The following NCBP3 variants were observed in gnomAD, a reference collection of about 807,000 sequenced individuals.
NCBP3 encodes the protein nuclear cap-binding protein subunit 3.
A neutral mutation model predicts 75.7 loss-of-function variants in NCBP3; 20 were observed. The observed-to-expected ratio is 0.26, with a 90% confidence interval of 0.19 to 0.38. NCBP3 has a LOEUF of 0.38. Ranked by LOEUF, NCBP3 falls within the 10% of genes least tolerant of loss-of-function variation. The pLI is 1.00. For missense variants in NCBP3, 678 were observed against 796.9 expected (o/e 0.85, Z 1.80); for synonymous variants, 293 against 290.5 (o/e 1.01, Z -0.09).
At chr17:3,843,257 T>G (rs1364786973) in intron 1 of NCBP3, 106 bp from the exon 2 acceptor site, 8 of 897,154 alleles carry the variant, frequency 8.9e-6, no homozygotes, top group Admixed American at 2.5e-5. Flanking sequence ...TTTTTTTTTT[T>G]TTGTTGGTGA....
At chr17:3,830,874 C>T (rs1388550060) in intron 3 of NCBP3, among the ~76,000 whole-genome samples, 6 of 151,592 alleles carry the variant, frequency 4.0e-5, no homozygotes, top group Non-Finnish European at 8.8e-5. Flanking sequence ...TGAGCCACGG[C>T]GCCCAGCCAA....
At chr17:3,824,501 A>G (rs1441788511) in intron 7 of NCBP3, 1 of 159,024 alleles carries the variant, frequency 6.3e-6, no homozygotes, top group Admixed American at 6.3e-5. Flanking sequence ...ACACATACAT[A>G]CACATACATA....
rs1284391612 is a variant in NCBP3, at chr17:3,806,690, T to G, written c.*6354A>C. 3 of 149,648 alleles carry G rather than the reference T, an allele frequency of 2.0e-5. No homozygotes were observed. The highest frequency in any genetic ancestry group is 2.9e-5 in the Non-Finnish European group (2 of 67,806). 9.3% of individuals were successfully genotyped at this position (149,648 alleles called of 1,614,324 possible). A position where few individuals can be genotyped will look rare whatever the true frequency, so the allele number is the denominator to read the frequency against. ...TCCCTAACTACTCCCAGGAACAAAG[T>G]TCTGTGAAATGTTCATAGAGCTTCA... On this transcript the variant is annotated 3_prime_UTR_variant, in exon 13 of 13. Coordinates refer to ENST00000389005, the MANE Select transcript of NCBP3 (RefSeq NM_001114118.3).
In NCBP3 at chr17:3,808,355, T is replaced by TC. The variant is rs1369805656; in HGVS notation, c.*4688dup. ...TTTCTAAGAGGAATTTTAATTACACTCCATTTTTATCTTAGGCACTGACCT... is the reference window on the plus strand; with the variant it reads ...TTTCTAAGAGGAATTTTAATTACACTCCCATTTTTATCTTAGGCACTGACCT... On this transcript the variant is annotated 3_prime_UTR_variant, in exon 13 of 13. Transcript: ENST00000389005. The TC allele has an allele frequency of 6.6e-6, 1 of 152,214 alleles. No homozygotes were observed. Among genetic ancestry groups the TC allele is most frequent in the African/African-American group, 2.4e-5 (1 of 41,446 alleles). The allele number at this position is 152,214 out of a possible 1,614,324, so 9.4% of individuals were successfully genotyped here. A position where few individuals can be genotyped will look rare whatever the true frequency, so the allele number is the denominator to read the frequency against.
chr17:3,845,416 G>A (rs1402826057), intron 1 of NCBP3, among the ~76,000 whole-genome samples: 1 of 152,122 alleles, frequency 6.6e-6, no homozygotes, highest in East Asian at 1.9e-4. Flanking sequence ...CGGTAAAGGA[G>A]GGACCAAGGA....
At position 3,829,358 on chromosome 17, in the gene NCBP3, C is replaced by T; in HGVS notation, c.366G>A (p.Lys122=). The T allele has an allele frequency of 4.5e-6, 7 of 1,551,860 alleles. No homozygotes were observed. Among genetic ancestry groups the T allele is most frequent in the Non-Finnish European group, 6.1e-6 (7 of 1,146,952 alleles). The change falls in exon 4 of 13, where the codon AAG becomes AAA. Residue 122 remains lysine, a synonymous_variant. Transcript: ENST00000389005. ...DRDMMKKAIP[K]VRLETIYICG... is the part of the protein sequence containing the mutation. ...AAATATAGATTGTCTCCAGTCTCAC[C>T]TTGGGGATTGCTAGAAAGACAAGAC... is the stretch of plus-strand genomic sequence containing the variant.
At position 3,823,005 on chromosome 17, in the gene NCBP3, A is replaced by C. The variant is rs941025598; in HGVS notation, c.797-953T>G. Reference sequence around the variant, plus strand: ...GGGCTCTACTGGCCAAATCCAAGACAATTTGTAAATTAAAATACTGATATT... The same window carrying C: ...GGGCTCTACTGGCCAAATCCAAGACCATTTGTAAATTAAAATACTGATATT... On this transcript the variant is annotated intron_variant, in intron 7 of 12. Transcript: ENST00000389005. 8 of 152,308 alleles carry C rather than the reference A, an allele frequency of 5.3e-5. No individual in the cohort carries two copies. The East Asian group carries it at 1.2e-3, about 22-fold the overall frequency. 9.4% of individuals were successfully genotyped at this position (152,308 alleles called of 1,614,324 possible).
intron 9 of NCBP3, among the ~76,000 whole-genome samples, chr17:3,821,039 T>A (rs914309016): frequency 6.6e-6 from 1 of 152,228 alleles, no homozygotes; most frequent in Admixed American, 6.5e-5. Context: ...TTTTGCCTTT[T>A]TTGATAGAAC....
rs139541859 is a variant in NCBP3, at chr17:3,802,905, A to G, written c.*10139T>C. The stretch of plus-strand genomic sequence containing the variant: ...TGGGTGCTGGACAGGGAGCAGGGCC[A>G]CTTCTGTACCTCTGCACACTTCTAG... On this transcript the variant is annotated 3_prime_UTR_variant, in exon 13 of 13. Transcript: ENST00000389005. 3,358 of 152,424 alleles carry G rather than the reference A, an allele frequency of 0.022. 50 individuals carry two copies. Among genetic ancestry groups the G allele is most frequent in the South Asian group, 0.026 (127 of 4,834 alleles). 9.4% of individuals were successfully genotyped at this position (152,424 alleles called of 1,614,324 possible). A position where few individuals can be genotyped will look rare whatever the true frequency, so the allele number is the denominator to read the frequency against.
At position 3,843,147 on chromosome 17, in the gene NCBP3, G is replaced by A. The variant is rs371877612; in HGVS notation, c.188C>T (p.Thr63Met). Residue 63 changes from threonine to methionine, a missense_variant, in exon 2 of 13, where the codon ACG becomes ATG. By Grantham distance (81) the Thr-to-Met change is moderately conservative. This residue lies in a region of NCBP3 where 46 missense variants were observed against 82.8 expected (regional missense o/e 0.56). Coordinates refer to ENST00000389005, the MANE Select transcript of NCBP3 (RefSeq NM_001114118.3). ...AGCCTTGTTTTCATATCTTCTGCTC[G>A]TGTCCTAACACAAAGGGGAAGGGTG... is the stretch of plus-strand genomic sequence containing the variant. ...RRSLKELIPD[T>M]SRRYENKAGS... The A allele has an allele frequency of 2.7e-4, 419 of 1,551,248 alleles. 1 individual carries two copies. The highest frequency in any genetic ancestry group is 1.9e-3 in the Admixed American group (97 of 50,966).
chr17:3,830,945 CTT>C (rs2053867281), intron 3 of NCBP3, among the ~76,000 whole-genome samples: 1 of 145,600 alleles, frequency 6.9e-6, no homozygotes, highest in Admixed American at 7.0e-5. Context: ...GAGTTTCACT[CTT>C]GTTGCCCAGG....
chr17:3,804,006 G>A lies in NCBP3; in HGVS notation c.*9038C>T, dbSNP rs994076538. The A allele has an allele frequency of 1.3e-5, 2 of 152,176 alleles. No homozygotes were observed. The highest frequency in any genetic ancestry group is 2.4e-5 in the African/African-American group (1 of 41,418). 9.4% of individuals were successfully genotyped at this position (152,176 alleles called of 1,614,324 possible). On this transcript the variant is annotated 3_prime_UTR_variant, in exon 13 of 13. Transcript: ENST00000389005. ...GCAGGAGAATGGCGTGAACCCAGGA[G>A]GCGGAGCTCGCAGTGGGCGGAGATC...
intron 3 of NCBP3, among the ~76,000 whole-genome samples, chr17:3,837,981 T>TAAA (rs1302157551): frequency 6.9e-6 from 1 of 144,854 alleles, no homozygotes; most frequent in African/African-American, 2.7e-5. Flanking sequence ...AGTTGTACGT[T>TAAA]AAAAAAAAAA....
At chr17:3,825,891 TATA>T (rs1330862472) in intron 5 of NCBP3, 48 bp from the exon 6 acceptor site, 1 of 1,464,640 alleles carries the variant, frequency 6.8e-7, no homozygotes, top group African/African-American at 1.4e-5. Flanking sequence ...AAATATTTCA[TATA>T]ATGAGATACA....
chr17:3,817,577 C>T (rs921090963), intron 10 of NCBP3, among the ~76,000 whole-genome samples: 4 of 151,690 alleles, frequency 2.6e-5, no homozygotes, highest in Non-Finnish European at 4.4e-5. Context: ...TGCAGTGAGC[C>T]GAGATCGCGC....
intron 3 of NCBP3, among the ~76,000 whole-genome samples, chr17:3,830,653 T>A (rs1407503177): frequency 1.3e-5 from 2 of 152,220 alleles, no homozygotes; most frequent in African/African-American, 4.8e-5. Context: ...AGTGGCACGA[T>A]CTCGGCTCAC....
At chr17:3,839,164 A>T (rs1387829618) in intron 3 of NCBP3, among the ~76,000 whole-genome samples, 1 of 152,218 alleles carries the variant, frequency 6.6e-6, no homozygotes, top group Non-Finnish European at 1.5e-5. Flanking sequence ...AGATTACTAT[A>T]TACAATAATT....
chr17:3,809,975 G>A lies in NCBP3; in HGVS notation c.*3069C>T, dbSNP rs1801023597. On this transcript the variant is annotated 3_prime_UTR_variant, in exon 13 of 13. Coordinates refer to ENST00000389005, the MANE Select transcript of NCBP3 (RefSeq NM_001114118.3). ...ACAGGCAAATCCACAGAGAGAGAAG[G>A]AAGATCAGTGGTGGCCAGAGGCTAA... 1 of 152,218 alleles carries A rather than the reference G, an allele frequency of 6.6e-6. No individual in the cohort carries two copies. Among genetic ancestry groups the A allele is most frequent in the South Asian group, 2.1e-4 (1 of 4,830 alleles). The allele number at this position is 152,218 out of a possible 1,614,324, so 9.4% of individuals were successfully genotyped here.
In NCBP3 at chr17:3,825,677, A is replaced by AAATGT. The variant is rs1168004500; in HGVS notation, c.687+89_687+90insACATT. The stretch of plus-strand genomic sequence containing the variant: ...GGTCTAATGGTGAAAGCTAGAGAAA[A>AAATGT]AACGTAACTAAGTCTTTAAGGCTTA... On this transcript the variant is annotated intron_variant, in intron 6 of 12. Coordinates refer to ENST00000389005, the MANE Select transcript of NCBP3 (RefSeq NM_001114118.3). 6 of 902,064 alleles carry AAATGT rather than the reference A, an allele frequency of 6.7e-6. No homozygotes were observed. The African/African-American group carries it at 1.1e-4, about 17-fold the overall frequency. The allele number at this position is 902,064 out of a possible 1,614,324, so 55.9% of individuals were successfully genotyped here. A position where few individuals can be genotyped will look rare whatever the true frequency, so the allele number is the denominator to read the frequency against.
Sources: gnomAD v4.1 joint callset for allele counts (sites outside exome capture counted in the v4.1 genomes callset) on GRCh38, gnomAD v4.1.1 for gene constraint, gnomAD v4.1.1 regional missense constraint, MANE v1.5 for transcripts, NCBI Gene and HGNC (gene_info 2026-07-23, HGNC 2026-07-21) for gene names.